Variants in NLRC5 observed in about 807,000 individuals in gnomAD.
NLRC5 encodes protein NLRC5.
Under a neutral mutation model 206.9 loss-of-function variants are expected in NLRC5, and 114 were observed. The ratio of observed to expected loss-of-function variants is 0.55; its 90% CI spans 0.47 to 0.64. The LOEUF is 0.64. Among genes scored for constraint, NLRC5 ranks in the 30% least tolerant of loss-of-function variants. The pLI is 0.00. For synonymous variants in NLRC5, 952 were observed against 962.8 expected, an observed-to-expected ratio of 0.99 and a Z score of 0.21; for missense variants, 2,008 against 2,305.5, an observed-to-expected ratio of 0.87 and a Z score of 2.64.
At chr16:57,027,135 T>C in intron 6 of NLRC5, 117 bp downstream of exon 6, 4 of 1,239,938 alleles carry the variant, frequency 3.2e-6, no homozygotes, top group Non-Finnish European at 4.4e-6. Context: ...TATCAGAACA[T>C]AATGGCCTGC....
chr16:57,041,645 T>C, intron 18 of NLRC5, 71 bp downstream of exon 18: 3 of 1,342,546 alleles, frequency 2.2e-6, no homozygotes, highest in Non-Finnish European at 3.2e-6. Flanking sequence ...GTGTTTGGGT[T>C]TGGTTTTTAA....
rs1274001077 is a variant in NLRC5 at position 57,070,577 on chromosome 16, G to A, written c.4626G>A (p.Leu1542=). ...NQFDEEGTKA[L]MRALEGKWML... is the part of the protein sequence containing the mutation. The stretch of plus-strand genomic sequence containing the variant: ...TTGATGAGGAGGGCACCAAGGCGCT[G>A]ATGAGGGCCCTTGAGGGGAAATGGA... Residue 1542 remains leucine (L), a synonymous_variant, in exon 38 of 49, where the codon CTG becomes CTA. Transcript: ENST00000688547. The A allele has an allele frequency of 3.1e-6, 5 of 1,614,054 alleles. No homozygotes were observed. The Admixed American group carries it at 6.7e-5, about 22-fold the overall frequency.
chr16:57,077,238 G>A (rs2068515165), intron 40 of NLRC5, 58 bp from the exon 41 acceptor site: 1 of 1,485,536 alleles, frequency 6.7e-7, no homozygotes, highest in South Asian at 1.1e-5. Context: ...TTTTCTGGGA[G>A]TGGGGTGTGG....
chr16:57,034,262 C>A lies in NLRC5; in HGVS notation c.2627+11C>A. On this transcript the variant is annotated intron_variant, in intron 13 of 48. Transcript: ENST00000688547. ...CCTGGAGGAAGTGGAGTGAGTATCA[C>A]GGGAAGCCCTGGCGTAGGAGCCAGG... 3 of 1,440,198 alleles carry A rather than the reference C, an allele frequency of 2.1e-6. No individual in the cohort carries two copies. Among genetic ancestry groups the A allele is most frequent in the Non-Finnish European group, 2.8e-6 (3 of 1,070,572 alleles). The allele number at this position is 1,440,198 out of a possible 1,614,324, so 89.2% of individuals were successfully genotyped here.
chr16:57,014,782 C>T (rs758552829), intron 1 of NLRC5, among the ~76,000 whole-genome samples: 57 of 152,292 alleles, frequency 3.7e-4, no homozygotes, highest in Non-Finnish European at 6.5e-4. Flanking sequence ...TTCTGAAAGC[C>T]GGGAAGTCCC....
chr16:57,082,201 T>C (rs1187419315), intron 48 of NLRC5, among the ~76,000 whole-genome samples: 5 of 152,220 alleles, frequency 3.3e-5, no homozygotes, highest in African/African-American at 1.2e-4. Context: ...TTAGCTGGCA[T>C]CACTATCTCC....
At chr16:56,991,937 G>A (rs1200203454) in intron 1 of NLRC5, 1 of 152,210 alleles carries the variant, frequency 6.6e-6, no homozygotes, top group Non-Finnish European at 1.5e-5. Flanking sequence ...TATAACTGGT[G>A]AAGATGAGGT....
In NLRC5 at chr16:57,062,451, GC is replaced by G. The variant is rs550736109; in HGVS notation, c.4154+755del. The G allele has an allele frequency of 4.6e-5, 12 of 259,278 alleles. No individual in the cohort carries two copies. In the South Asian group the frequency reaches 4.8e-4, roughly 10 times the overall value. 16.1% of individuals were successfully genotyped at this position (259,278 alleles called of 1,614,324 possible). On this transcript the variant is annotated intron_variant, in intron 32 of 48. Coordinates refer to ENST00000688547, the MANE Select transcript of NLRC5 (RefSeq NM_001384950.1). ...GACTCTTCTAACCTGCGGCATCACT[GC>G]CCCCATCCCCTCACCACAGCTTTCT... is the stretch of plus-strand genomic sequence containing the variant.
intron 10 of NLRC5, among the ~76,000 whole-genome samples, chr16:57,030,405 T>TGGATGGATGGCTGAAAAGATG (rs2061685206): frequency 7.2e-6 from 1 of 138,314 alleles, no homozygotes; most frequent in African/African-American, 2.7e-5. Flanking sequence ...GATGGATGGA[T>TGGATGGATGGCTGAAAAGATG]GGATGGCTGA....
intron 32 of NLRC5, chr16:57,062,372 A>G: frequency 3.0e-6 from 1 of 330,906 alleles, no homozygotes; most frequent in South Asian, 2.5e-5. Context: ...GGCTTTTGGG[A>G]TCCAGGATCT....
rs1352530734 is a variant in NLRC5 at position 57,039,776 on chromosome 16, C to G, written c.2802-5C>G. 6.2e-7 allele frequency: 1 copy of G among 1,614,016 alleles called. No homozygotes were observed. The highest frequency in any genetic ancestry group is 8.5e-7 in the Non-Finnish European group (1 of 1,179,892). ...CGCTTCCTCACCCCTCTTTTGTCTTCACAGCCTGCAGCACAAAACTGTGAT... is the reference window on the plus strand; with the variant it reads ...CGCTTCCTCACCCCTCTTTTGTCTTGACAGCCTGCAGCACAAAACTGTGAT... On this transcript the variant is annotated splice_region_variant and splice_polypyrimidine_tract_variant and intron_variant, in intron 15 of 48. Coordinates refer to ENST00000688547, the MANE Select transcript of NLRC5 (RefSeq NM_001384950.1).
intron 1 of NLRC5, among the ~76,000 whole-genome samples, chr16:57,003,033 C>T (rs2058468681): frequency 6.8e-6 from 1 of 147,894 alleles, no homozygotes; most frequent in African/African-American, 2.5e-5. Context: ...TCCCTTTTCT[C>T]CACATAGATT....
chr16:57,081,508 C>G lies in NLRC5; in HGVS notation c.5406-19C>G, dbSNP rs753879164. On this transcript the variant is annotated intron_variant, in intron 47 of 48. Transcript: ENST00000688547. Reference sequence around the variant, plus strand: ...TGGCCGTGTTTCTCTTTCCCCTCCCCTCACTGTCCACTGAGAAGCCTGGAG... The same window carrying G: ...TGGCCGTGTTTCTCTTTCCCCTCCCGTCACTGTCCACTGAGAAGCCTGGAG... The G allele has an allele frequency of 1.1e-5, 17 of 1,612,284 alleles. No individual in the cohort carries two copies. The highest frequency in any genetic ancestry group is 1.4e-5 in the Non-Finnish European group (17 of 1,178,546).
In NLRC5 at chr16:57,081,564, C is replaced by T. The variant is rs148419019; in HGVS notation, c.5443C>T (p.Leu1815Phe). 94 of 1,614,096 alleles carry T rather than the reference C, an allele frequency of 5.8e-5. 1 individual carries two copies. Among genetic ancestry groups the T allele is most frequent in the Admixed American group, 1.8e-4 (11 of 60,020 alleles). ...KNQITALGAW[L>F]LAEGLAQGSS... ...TCAGATCACAGCTTTGGGGGCCTGGCTCCTGGCTGAAGGACTGGCCCAGGG... is the reference window on the plus strand; with the variant it reads ...TCAGATCACAGCTTTGGGGGCCTGGTTCCTGGCTGAAGGACTGGCCCAGGG... Residue 1815 changes from leucine (L) to phenylalanine (F), a missense_variant, in exon 48 of 49, where the codon CTC becomes TTC. Leu to Phe is a conservative substitution (Grantham distance 22). Coordinates refer to ENST00000688547, the MANE Select transcript of NLRC5 (RefSeq NM_001384950.1).
intron 1 of NLRC5, among the ~76,000 whole-genome samples, chr16:56,995,495 T>C (rs2057490123): frequency 6.6e-6 from 1 of 152,236 alleles, no homozygotes; most frequent in Non-Finnish European, 1.5e-5. Flanking sequence ...TTTTAAATGT[T>C]TGAAACCGTG....
At chr16:57,069,333 A>G (rs76344676) in intron 36 of NLRC5, among the ~76,000 whole-genome samples, 5,474 of 152,230 alleles carry the variant, frequency 0.036, 510 homozygotes, top group East Asian at 0.33. Context: ...ACAGTGGCTC[A>G]AGCTTGTAAT....
chr16:57,010,367 A>G (rs2059361505), intron 1 of NLRC5, among the ~76,000 whole-genome samples: 1 of 152,122 alleles, frequency 6.6e-6, no homozygotes, highest in Non-Finnish European at 1.5e-5. Context: ...GTAGATATGA[A>G]TAACTTTTTA....
chr16:57,047,501 T>C, intron 22 of NLRC5, 44 bp from the exon 23 acceptor site: 1 of 1,553,056 alleles, frequency 6.4e-7, no homozygotes, highest in Non-Finnish European at 8.8e-7. Flanking sequence ...CCAGGGACCC[T>C]GGGCTTTCTC....
At chr16:57,070,403 G>A in intron 37 of NLRC5, 132 bp from the exon 38 acceptor site, 1 of 714,294 alleles carries the variant, frequency 1.4e-6, no homozygotes, top group African/African-American at 1.8e-5. Context: ...TGGACAGCGA[G>A]GGTGGCCCAG....
Sources: gnomAD v4.1 joint callset for allele counts (sites outside exome capture counted in the v4.1 genomes callset) on GRCh38, gnomAD v4.1.1 for gene constraint, MANE v1.5 for transcripts, NCBI Gene and HGNC (gene_info 2026-07-23, HGNC 2026-07-21) for gene names.